The following RPL10A variants were observed in gnomAD, a reference collection of about 807,000 sequenced individuals.
RPL10A encodes ribosomal protein L10a.
RPL10A carries 11 observed loss-of-function variants against 24.6 expected under a neutral mutation model. The observed-to-expected ratio is 0.45, with a 90% CI of 0.28 to 0.74. RPL10A has a LOEUF of 0.74. Among genes scored for constraint, RPL10A ranks in the 30% least tolerant of loss-of-function variants. The pLI, the probability that RPL10A is intolerant of heterozygous loss-of-function variation, is 0.13. For missense variants in RPL10A, 136 were observed against 273.1 expected, an observed-to-expected ratio of 0.50 and a Z score of 3.54; for synonymous variants, 98 against 108.5, an observed-to-expected ratio of 0.90 and a Z score of 0.60.
At chr6:35,469,617 G>C (rs1234338046) in intron 4 of RPL10A, 88 bp downstream of exon 4, 7 of 1,421,408 alleles carry the variant, frequency 4.9e-6, no homozygotes, top group Non-Finnish European at 6.6e-6. Flanking sequence ...TTTAAATGAT[G>C]AGGGGCCTAG....
chr6:35,468,719 G>A (rs1581715478), intron 1 of RPL10A, 80 bp from the exon 2 acceptor site: 1 of 1,544,626 alleles, frequency 6.5e-7, no homozygotes, highest in Non-Finnish European at 8.7e-7. Flanking sequence ...CCGTCTCGAA[G>A]CCTAGACCTC....
chr6:35,469,252 C>T (rs1455167484), intron 3 of RPL10A, 129 bp from the exon 4 acceptor site: 4 of 1,497,436 alleles, frequency 2.7e-6, no homozygotes, highest in Non-Finnish European at 3.6e-6. Flanking sequence ...GCCTGAGAAG[C>T]CAGGCTGGCT....
In RPL10A at chr6:35,468,853, G is replaced by C. The variant is rs45560246; in HGVS notation, c.60G>C (p.Gly20=). The part of the protein sequence containing the change: ...LYEAVREVLH[G]NQRKRRKFLE... ...AGGCGGTGCGGGAAGTCCTGCACGG[G>C]AACCAGCGCAAGCGCCGCAAGTGAG... Residue 20 remains glycine, a synonymous_variant, in exon 2 of 6, where the codon GGG becomes GGC. Coordinates refer to ENST00000322203, the MANE Select transcript of RPL10A (RefSeq NM_007104.5). 1.4e-4 allele frequency: 230 copies of C among 1,612,410 alleles called. 1 individual carries two copies. The East Asian group carries it at 5.0e-3, about 35-fold the overall frequency.
rs1249479648 is a variant in RPL10A, at chr6:35,468,424, C to G, written c.-11C>G. 4.3e-6 allele frequency: 7 copies of G among 1,613,946 alleles called. No individual in the cohort carries two copies. The highest frequency in any genetic ancestry group is 5.9e-6 in the Non-Finnish European group (7 of 1,179,944). The stretch of plus-strand genomic sequence containing the variant: ...CTAGTCTCTTTTCCGGTTAGCGCGG[C>G]GTGAGAAGCCATGAGGTGAGTTGGT... On this transcript the variant is annotated 5_prime_UTR_variant, in exon 1 of 6. Transcript: ENST00000322203.
chr6:35,470,120 T>A lies in RPL10A; in HGVS notation c.311-59T>A. Reference sequence around the variant, plus strand: ...AAGTGCGTTTCTGGCCTGCCACATTTGAGGTGTGCCTTGGTGACCAGGTTC... The same window carrying A: ...AAGTGCGTTTCTGGCCTGCCACATTAGAGGTGTGCCTTGGTGACCAGGTTC... On this transcript the variant is annotated intron_variant, in intron 4 of 5. Transcript: ENST00000322203. This position sits in a 1 kb window ranked among gnomAD's most constrained non-coding sequence, Gnocchi z 4.6. The A allele has an allele frequency of 1.3e-6, 2 of 1,525,176 alleles. No individual in the cohort carries two copies. The highest frequency in any genetic ancestry group is 1.8e-6 in the Non-Finnish European group (2 of 1,113,910). The allele number at this position is 1,525,176 out of a possible 1,614,324, so 94.5% of individuals were successfully genotyped here.
rs1372221127 is a variant in RPL10A at position 35,468,762 on chromosome 6, C to T, written c.6-37C>T. 3.2e-6 allele frequency: 5 copies of T among 1,558,938 alleles called. No homozygotes were observed. The East Asian group carries it at 9.7e-5, about 30-fold the overall frequency. On this transcript the variant is annotated intron_variant, in intron 1 of 5. Transcript: ENST00000322203. ...TCCAGGCAGTCCGAGCGTGTGGACTCCGCGGCCCTGAGCGCCCTGTCGCTT... is the reference window on the plus strand; with the variant it reads ...TCCAGGCAGTCCGAGCGTGTGGACTTCGCGGCCCTGAGCGCCCTGTCGCTT...
chr6:35,469,713 G>A (rs556586628), intron 4 of RPL10A, among the ~76,000 whole-genome samples, 184 bp downstream of exon 4: 1 of 152,306 alleles, frequency 6.6e-6, no homozygotes, highest in East Asian at 1.9e-4. Flanking sequence ...TTGCTATGAG[G>A]ATTCCAGTTG....
chr6:35,468,771 T>C, intron 1 of RPL10A, 28 bp from the exon 2 acceptor site: 2 of 1,566,546 alleles, frequency 1.3e-6, no homozygotes, highest in Non-Finnish European at 1.7e-6. Flanking sequence ...TCCGCGGCCC[T>C]GAGCGCCCTG....
chr6:35,469,146 C>G (rs1767964067), intron 3 of RPL10A, 119 bp downstream of exon 3: 2 of 1,503,396 alleles, frequency 1.3e-6, no homozygotes, highest in African/African-American at 1.4e-5. Flanking sequence ...TAGTTCAGAC[C>G]CCCTGCTCCG....
Position 35,468,458 on chromosome 6 carries a change from C to G in RPL10A, c.5+19C>G. The G allele has an allele frequency of 1.2e-6, 2 of 1,614,012 alleles. No individual in the cohort carries two copies. Among genetic ancestry groups the G allele is most frequent in the African/African-American group, 2.7e-5 (2 of 75,054 alleles). ...CCATGAGGTGAGTTGGTCCTGAAAGCCCTATCCGCGTTCATCCGCGCCTTC... is the reference window on the plus strand; with the variant it reads ...CCATGAGGTGAGTTGGTCCTGAAAGGCCTATCCGCGTTCATCCGCGCCTTC... On this transcript the variant is annotated intron_variant, in intron 1 of 5. Coordinates refer to ENST00000322203, the MANE Select transcript of RPL10A (RefSeq NM_007104.5).
rs41271257 is a variant in RPL10A, at chr6:35,468,418, G to A, written c.-17G>A. 57,897 of 1,613,958 alleles carry A rather than the reference G, an allele frequency of 0.036. 3,468 individuals carry two copies. The highest frequency in any genetic ancestry group is 0.25 in the African/African-American group (18,394 of 74,988). ...GACATGCTAGTCTCTTTTCCGGTTA[G>A]CGCGGCGTGAGAAGCCATGAGGTGA... On this transcript the variant is annotated 5_prime_UTR_variant, in exon 1 of 6. Transcript: ENST00000322203.
chr6:35,469,506 A>G lies in RPL10A; in HGVS notation c.287A>G (p.Asn96Ser), dbSNP rs1253739924. Residue 96 changes from asparagine to serine, a missense_variant, in exon 4 of 6, where the codon AAT (asparagine) becomes AGT (serine). Around this residue, in one of 3 missense-constraint regions of RPL10A, gnomAD observed 88 missense variants for 149.2 expected, o/e 0.59. Transcript: ENST00000322203. ...GAGGCGCTGAAAAAACTCAACAAGA[A>G]TAAAAAACTGGTCAAGAAGCTGGGT... ...DIEALKKLNK[N>S]KKLVKKLAKK... is the part of the protein sequence containing the mutation. 3.1e-6 allele frequency: 5 copies of G among 1,613,910 alleles called. No homozygotes were observed. The highest frequency in any genetic ancestry group is 4.2e-6 in the Non-Finnish European group (5 of 1,179,964).
Position 35,470,469 on chromosome 6 carries a change from T to G in RPL10A, c.484-111T>G, listed in dbSNP as rs769820410. On this transcript the variant is annotated intron_variant, in intron 5 of 5. Transcript: ENST00000322203. The surrounding 1 kb of genome is among the most constrained non-coding windows in gnomAD (Gnocchi z 4.6). ...AGGATTGAAACTTTTGGAGTAACCC[T>G]GGTCTTGGCCCGGGTCCAAGTACCT... The G allele has an allele frequency of 2.0e-6, 3 of 1,488,414 alleles. No individual in the cohort carries two copies. The Admixed American group carries it at 5.6e-5, about 28-fold the overall frequency. 92.2% of individuals were successfully genotyped at this position (1,488,414 alleles called of 1,614,324 possible).
Position 35,470,746 on chromosome 6 carries a change from A to G in RPL10A, c.650A>G (p.Tyr217Cys). The G allele has an allele frequency of 6.2e-7, 1 of 1,600,924 alleles. No individual in the cohort carries two copies. Among genetic ancestry groups the G allele is most frequent in the Non-Finnish European group, 8.5e-7 (1 of 1,179,760 alleles). ...KSTMGKPQRL[Y>C] ...ACCATGGGCAAGCCCCAGCGCCTAT[A>G]TTAAGGCACATTTGAATAAATTCTA... The change falls in exon 6 of 6, where the codon TAT (tyrosine) becomes TGT (cysteine). Residue 217 changes from tyrosine to cysteine, a missense_variant. By Grantham distance (194) the Tyr-to-Cys change is radical (BLOSUM62 -2). Transcript: ENST00000322203. This position sits in a 1 kb window ranked among gnomAD's most constrained non-coding sequence, Gnocchi z 4.6.
At position 35,468,427 on chromosome 6, in the gene RPL10A, G is replaced by C. The variant is rs778117093; in HGVS notation, c.-8G>C. 1.2e-6 allele frequency: 2 copies of C among 1,614,058 alleles called. No individual in the cohort carries two copies. The highest frequency in any genetic ancestry group is 1.7e-6 in the Non-Finnish European group (2 of 1,179,932). On this transcript the variant is annotated 5_prime_UTR_variant, in exon 1 of 6. Transcript: ENST00000322203. ...GTCTCTTTTCCGGTTAGCGCGGCGT[G>C]AGAAGCCATGAGGTGAGTTGGTCCT... is the stretch of plus-strand genomic sequence containing the variant.
intron 1 of RPL10A, 50 bp downstream of exon 1, chr6:35,468,489 C>G: frequency 5.0e-6 from 8 of 1,611,824 alleles, no homozygotes; most frequent in Non-Finnish European, 6.8e-6. Flanking sequence ...CCTTCAGGTG[C>G]CCCGCCGAGG....
Position 35,469,391 on chromosome 6 carries a change from A to G in RPL10A, c.172A>G (p.Thr58Ala), listed in dbSNP as rs549857319. 1 of 1,607,172 alleles carries G rather than the reference A, an allele frequency of 6.2e-7. No individual in the cohort carries two copies. Among genetic ancestry groups the G allele is most frequent in the Admixed American group, 1.7e-5 (1 of 58,622 alleles). The change falls in exon 4 of 6, where the codon ACT (threonine) becomes GCT (alanine). Residue 58 changes from threonine to alanine, a missense_variant. Transcript: ENST00000322203. The stretch of plus-strand genomic sequence containing the variant: ...TCCCCCAAAACGCAGGCTTAAGTCC[A>G]CTCCCCGCCCTAAGTTCTCTGTGTG... ...RFSGTVRLKS[T>A]PRPKFSVCVL...
Position 35,470,421 on chromosome 6 carries a change from A to T in RPL10A, c.483+70A>T. On this transcript the variant is annotated intron_variant, in intron 5 of 5. Coordinates refer to ENST00000322203, the MANE Select transcript of RPL10A (RefSeq NM_007104.5). This position sits in a 1 kb window ranked among gnomAD's most constrained non-coding sequence, Gnocchi z 4.6. ...GTCTAAATCTTATCCAAGTCTCTAA[A>T]TATGCCAGTAAGAGCACCCACCAGG... 1 of 1,544,124 alleles carries T rather than the reference A, an allele frequency of 6.5e-7. No individual in the cohort carries two copies. Among genetic ancestry groups the T allele is most frequent in the Non-Finnish European group, 8.8e-7 (1 of 1,140,470 alleles).
chr6:35,470,136 G>T lies in RPL10A; in HGVS notation c.311-43G>T. On this transcript the variant is annotated intron_variant, in intron 4 of 5. Transcript: ENST00000322203. This position sits in a 1 kb window ranked among gnomAD's most constrained non-coding sequence, Gnocchi z 4.6. Reference sequence around the variant, plus strand: ...TGCCACATTTGAGGTGTGCCTTGGTGACCAGGTTCTAAGCAATGCCAATGG... The same window carrying T: ...TGCCACATTTGAGGTGTGCCTTGGTTACCAGGTTCTAAGCAATGCCAATGG... The T allele has an allele frequency of 6.3e-7, 1 of 1,583,640 alleles. No homozygotes were observed. Among genetic ancestry groups the T allele is most frequent in the South Asian group, 1.1e-5 (1 of 87,994 alleles).
Sources: gnomAD v4.1 joint callset for allele counts (sites outside exome capture counted in the v4.1 genomes callset) on GRCh38, gnomAD v4.1.1 for gene constraint, gnomAD v4.1.1 regional missense constraint, Gnocchi (gnomAD v3.1) non-coding constraint, MANE v1.5 for transcripts, NCBI Gene and HGNC (gene_info 2026-07-23, HGNC 2026-07-21) for gene names.